MCF2L2: variants seen among roughly 807,000 people sequenced by gnomAD.
MCF2L2 encodes the protein probable guanine nucleotide exchange factor MCF2L2.
A neutral mutation model predicts 150.2 loss-of-function variants in MCF2L2; 102 were observed. That is an observed-to-expected ratio of 0.68 (90% CI 0.58 to 0.80). The LOEUF is 0.80. Ranked by LOEUF, MCF2L2 falls within the 30% of genes least tolerant of loss-of-function variation. The pLI, the probability that MCF2L2 is intolerant of heterozygous loss-of-function variation, is 0.00. For missense variants in MCF2L2, 1,256 were observed against 1,372.8 expected, an observed-to-expected ratio of 0.91 and a Z score of 1.34; for synonymous variants, 465 against 491.3, an observed-to-expected ratio of 0.95 and a Z score of 0.71.
rs537955996 is a variant in MCF2L2, at chr3:183,366,980, A to G, written c.275+12317T>C. On this transcript the variant is annotated intron_variant, in intron 3 of 29. Transcript: ENST00000328913. Reference sequence around the variant, plus strand: ...AATTAGAAATGCCAGGTGAAAATGCACATAAAAAAGTCATTGTCTGACTCT... The same window carrying G: ...AATTAGAAATGCCAGGTGAAAATGCGCATAAAAAAGTCATTGTCTGACTCT... Among the ~76,000 whole-genome samples, 7 of 152,354 alleles carry G rather than the reference A, an allele frequency of 4.6e-5. 2 individuals are homozygous for G. The highest frequency in any genetic ancestry group is 1.7e-4 in the African/African-American group (7 of 41,584).
chr3:183,307,269 T>C (rs1256523245), intron 10 of MCF2L2, among the ~76,000 whole-genome samples: 1 of 152,228 alleles, frequency 6.6e-6, no homozygotes, highest in African/African-American at 2.4e-5. Context: ...CACAGTCTTG[T>C]TCCTTTAACA....
At chr3:183,299,979 C>T (rs773394862) in intron 11 of MCF2L2, 26 bp downstream of exon 11, 2 of 1,601,600 alleles carry the variant, frequency 1.2e-6, no homozygotes, top group South Asian at 1.1e-5. Flanking sequence ...TTGCAGACAT[C>T]ATGTTCTTGG....
At chr3:183,302,804 T>C (rs7634425) in intron 10 of MCF2L2, among the ~76,000 whole-genome samples, 42,755 of 151,950 alleles carry the variant, frequency 0.28, 6,706 homozygotes, top group East Asian at 0.49. Context: ...CTCTACAACC[T>C]ATTCGCCCAG....
At chr3:183,255,338 A>G (rs558641461) in intron 15 of MCF2L2, among the ~76,000 whole-genome samples, 2 of 152,378 alleles carry the variant, frequency 1.3e-5, no homozygotes, top group Admixed American at 6.5e-5. Flanking sequence ...TAGATTTTCT[A>G]TCTGGTCACA....
At chr3:183,401,044 C>T (rs1219891350) in intron 1 of MCF2L2, among the ~76,000 whole-genome samples, 1 of 152,078 alleles carries the variant, frequency 6.6e-6, no homozygotes, top group Non-Finnish European at 1.5e-5. Context: ...TAGAGCGCCT[C>T]CTGAACGACT....
intron 3 of MCF2L2, chr3:183,374,680 A>AAAAAAAGAAAGAAAG (rs1389995766): frequency 6.7e-6 from 1 of 148,242 alleles, no homozygotes; most frequent in African/African-American, 2.6e-5. Context: ...AAAAAAAAAA[A>AAAAAAAGAAAGAAAG]AAAGAAAGAA....
intron 14 of MCF2L2, among the ~76,000 whole-genome samples, chr3:183,282,549 A>T (rs893387085): frequency 2.0e-5 from 3 of 152,220 alleles, no homozygotes; most frequent in African/African-American, 7.2e-5. Context: ...GGAAGTGAGA[A>T]ACATGTTATG....
chr3:183,364,066 A>G (rs1712373342), intron 3 of MCF2L2, among the ~76,000 whole-genome samples: 1 of 152,246 alleles, frequency 6.6e-6, no homozygotes, highest in Admixed American at 6.5e-5. Flanking sequence ...AAAACACTAC[A>G]TATCAGAATT....
intron 1 of MCF2L2, among the ~76,000 whole-genome samples, chr3:183,392,975 C>T (rs1286905722): frequency 6.6e-6 from 1 of 152,178 alleles, no homozygotes; most frequent in African/African-American, 2.4e-5. Flanking sequence ...GCCCTTTCTG[C>T]CACCTTCTAG....
intron 25 of MCF2L2, among the ~76,000 whole-genome samples, chr3:183,200,851 G>GT (rs1481991525): frequency 3.9e-5 from 6 of 152,204 alleles, no homozygotes. Context: ...TGGCTAGCCA[G>GT]TTTTCCCAGC....
At chr3:183,383,709 A>G (rs1291897215) in intron 2 of MCF2L2, among the ~76,000 whole-genome samples, 1 of 152,150 alleles carries the variant, frequency 6.6e-6, no homozygotes, top group Non-Finnish European at 1.5e-5. Flanking sequence ...CTATTGAAAG[A>G]TATGTTACTT....
At chr3:183,309,598 G>A (rs1577052449) in intron 10 of MCF2L2, 118 bp downstream of exon 10, 1 of 1,298,512 alleles carries the variant, frequency 7.7e-7, no homozygotes, top group Non-Finnish European at 1.1e-6. Flanking sequence ...GGTGACTGAA[G>A]GGCAGGACTG....
At chr3:183,297,252 G>T in intron 11 of MCF2L2, 85 bp from the exon 12 acceptor site, 1 of 1,196,746 alleles carries the variant, frequency 8.4e-7, no homozygotes, top group Non-Finnish European at 1.2e-6. Context: ...GAGCTTGTAA[G>T]GTGTCTACAA....
In MCF2L2 at chr3:183,185,071, C is replaced by T. The variant is rs1301393360; in HGVS notation, c.3017-4912G>A. ...AGCTGGGGACTACAGGCGCATGCCA[C>T]CATGCCCAGCTAATTTTTTTGTAAT... On this transcript the variant is annotated intron_variant, in intron 27 of 29. Transcript: ENST00000328913. Among the ~76,000 whole-genome samples, 9 of 152,314 alleles carry T rather than the reference C, an allele frequency of 5.9e-5. No homozygotes were observed. In the South Asian group the frequency reaches 1.9e-3, roughly 32 times the overall value.
intron 15 of MCF2L2, among the ~76,000 whole-genome samples, chr3:183,248,123 A>T (rs774071524): frequency 6.6e-6 from 1 of 152,060 alleles, no homozygotes; most frequent in Non-Finnish European, 1.5e-5. Flanking sequence ...GTTTTTCCCA[A>T]GAGGGTTTAC....
chr3:183,415,165 T>A (rs894361886), intron 1 of MCF2L2, among the ~76,000 whole-genome samples: 1 of 152,030 alleles, frequency 6.6e-6, no homozygotes, highest in South Asian at 2.1e-4. Context: ...AGTTTCCAAC[T>A]ATTATGTTTA....
At position 183,283,067 on chromosome 3, in the gene MCF2L2, T is replaced by C. The variant is rs987035719; in HGVS notation, c.1776+6053A>G. Among the ~76,000 whole-genome samples the C allele has an allele frequency of 6.6e-6, 1 of 152,206 alleles. No homozygotes were observed. Among genetic ancestry groups the C allele is most frequent in the Admixed American group, 6.5e-5 (1 of 15,288 alleles). On this transcript the variant is annotated intron_variant, in intron 14 of 29. Transcript: ENST00000328913. This position sits in a 1 kb window ranked among gnomAD's most constrained non-coding sequence, Gnocchi z 4.2. The stretch of plus-strand genomic sequence containing the variant: ...GAATCCAAGATGGAAACGTCAAAAC[T>C]ATCTTTGGTATCATGCTTCCTCCCC...
intron 4 of MCF2L2, among the ~76,000 whole-genome samples, chr3:183,341,288 C>T (rs771989908): frequency 1.3e-5 from 2 of 152,230 alleles, no homozygotes; most frequent in African/African-American, 4.8e-5. Context: ...CACTCCCCAA[C>T]TGCCCCTCTT....
chr3:183,250,132 G>A (rs1299780552), intron 15 of MCF2L2, among the ~76,000 whole-genome samples: 1 of 152,134 alleles, frequency 6.6e-6, no homozygotes, highest in Non-Finnish European at 1.5e-5. Flanking sequence ...TCACTGGTGA[G>A]AAAAAGGAGG....
Sources: gnomAD v4.1 joint callset for allele counts (sites outside exome capture counted in the v4.1 genomes callset) on GRCh38, gnomAD v4.1.1 for gene constraint, Gnocchi (gnomAD v3.1) non-coding constraint, MANE v1.5 for transcripts, NCBI Gene and HGNC (gene_info 2026-07-23, HGNC 2026-07-21) for gene names.